Variants in PAK5 observed in about 807,000 individuals in gnomAD.
The protein encoded by PAK5 is serine/threonine-protein kinase PAK 5.
PAK5 carries 16 observed loss-of-function variants against 65.9 expected under a neutral mutation model. That is an observed-to-expected ratio of 0.24 (90% CI 0.16 to 0.37). The LOEUF (loss-of-function observed/expected upper bound fraction) is 0.37, where lower values mean the gene tolerates loss of function less well. Ranked by LOEUF, PAK5 falls within the 10% of genes least tolerant of loss-of-function variation. The pLI is 1.00. For synonymous variants in PAK5, 371 were observed against 354.9 expected (o/e 1.05, Z -0.51); for missense variants, 785 against 903.9 (o/e 0.87, Z 1.69).
intron 1 of PAK5, among the ~76,000 whole-genome samples, chr20:9,722,538 G>C (rs1235976951): frequency 6.6e-6 from 1 of 151,918 alleles, no homozygotes; most frequent in Non-Finnish European, 1.5e-5. Flanking sequence ...CATGAACCCG[G>C]GAGGCGGAGC....
intron 1 of PAK5, among the ~76,000 whole-genome samples, chr20:9,787,987 G>GGA (rs1569088014): frequency 6.6e-6 from 1 of 151,384 alleles, no homozygotes; most frequent in African/African-American, 2.4e-5. Flanking sequence ...GTGTGTTGGG[G>GGA]GGGGTATGTG....
At chr20:9,725,463 A>G (rs2048265531) in intron 1 of PAK5, among the ~76,000 whole-genome samples, 1 of 152,202 alleles carries the variant, frequency 6.6e-6, no homozygotes, top group South Asian at 2.1e-4. Flanking sequence ...TGGAACATGA[A>G]AAAACAATTA....
At chr20:9,622,856 T>C (rs1343366216) in intron 3 of PAK5, among the ~76,000 whole-genome samples, 11 of 152,186 alleles carry the variant, frequency 7.2e-5, no homozygotes, top group Admixed American at 7.2e-4. Flanking sequence ...GGTTGGGGAC[T>C]GCTGTGTTAA....
chr20:9,547,965 T>C (rs1342411466), intron 7 of PAK5, among the ~76,000 whole-genome samples: 2 of 152,208 alleles, frequency 1.3e-5, no homozygotes, highest in South Asian at 2.1e-4. Flanking sequence ...GGGGCATTTG[T>C]TTGCACAGAG....
chr20:9,592,842 A>T (rs2046195906), intron 3 of PAK5, among the ~76,000 whole-genome samples: 1 of 152,182 alleles, frequency 6.6e-6, no homozygotes, highest in Non-Finnish European at 1.5e-5. Flanking sequence ...CTGAAAGTCT[A>T]AGGGAGAGAG....
intron 1 of PAK5, among the ~76,000 whole-genome samples, chr20:9,811,220 T>C (rs1042317752): frequency 6.6e-6 from 1 of 152,142 alleles, no homozygotes; most frequent in African/African-American, 2.4e-5. Context: ...ATGATCAAAT[T>C]TGATTTCTTG....
intron 1 of PAK5, among the ~76,000 whole-genome samples, chr20:9,781,850 T>A (rs528516825): frequency 1.3e-5 from 2 of 152,180 alleles, no homozygotes; most frequent in South Asian, 4.2e-4. Flanking sequence ...CCACCCACTC[T>A]CTCCTGCATC....
At chr20:9,665,988 G>A (rs2047411853) in intron 2 of PAK5, among the ~76,000 whole-genome samples, 1 of 152,054 alleles carries the variant, frequency 6.6e-6, no homozygotes, top group South Asian at 2.1e-4. Flanking sequence ...AGAGAAATAA[G>A]CCTCCGTCTT....
intron 2 of PAK5, among the ~76,000 whole-genome samples, chr20:9,648,652 G>A (rs2047165392): frequency 6.6e-6 from 1 of 152,108 alleles, no homozygotes; most frequent in Non-Finnish European, 1.5e-5. Flanking sequence ...TGCAGAGGAG[G>A]TGTTATTATC....
chr20:9,714,705 C>T (rs1178367416), intron 1 of PAK5, among the ~76,000 whole-genome samples: 1 of 152,026 alleles, frequency 6.6e-6, no homozygotes, highest in African/African-American at 2.4e-5. Flanking sequence ...AGATATAGAC[C>T]AATGGAACAG....
chr20:9,566,890 A>T (rs986961498), intron 4 of PAK5, among the ~76,000 whole-genome samples: 4 of 152,180 alleles, frequency 2.6e-5, no homozygotes, highest in Non-Finnish European at 5.9e-5. Context: ...GTACAAATAT[A>T]ATTGAGAGTG....
chr20:9,701,050 C>T (rs568810327), intron 2 of PAK5, among the ~76,000 whole-genome samples: 1 of 152,240 alleles, frequency 6.6e-6, no homozygotes, highest in East Asian at 1.9e-4. Context: ...CACAGGCCTA[C>T]GTTTCCCTCT....
chr20:9,719,351 G>T (rs542246130), intron 1 of PAK5, among the ~76,000 whole-genome samples: 9 of 152,140 alleles, frequency 5.9e-5, no homozygotes, highest in African/African-American at 1.9e-4. Context: ...TACAGATTGA[G>T]CACTATTTTA....
intron 2 of PAK5, among the ~76,000 whole-genome samples, chr20:9,667,317 C>T (rs2047433596): frequency 6.6e-6 from 1 of 152,066 alleles, no homozygotes; most frequent in South Asian, 2.1e-4. Context: ...CCTCTTCAGC[C>T]TGGAATGCCT....
At chr20:9,605,738 G>A (rs2046441830) in intron 3 of PAK5, among the ~76,000 whole-genome samples, 1 of 152,082 alleles carries the variant, frequency 6.6e-6, no homozygotes, top group Non-Finnish European at 1.5e-5. Context: ...AGACCAGCCT[G>A]GTCAACATGG....
intron 1 of PAK5, among the ~76,000 whole-genome samples, chr20:9,798,259 A>C (rs75900785): frequency 0.057 from 8,723 of 152,242 alleles, 358 homozygotes; most frequent in South Asian, 0.19. Context: ...GGGTAAAAAA[A>C]ATGGTTCATA....
At position 9,782,924 on chromosome 20, in the gene PAK5, C is replaced by CTT. The variant is rs113360688; in HGVS notation, c.-162+55836_-162+55837dup. On this transcript the variant is annotated intron_variant, in intron 1 of 9. Transcript: ENST00000353224. ...TTTCTTTTCTTTTTTCTCTTTCTTTCTTTTTTTTTTTTCTTTTTTTTTAAG... is the reference window on the plus strand; with the variant it reads ...TTTCTTTTCTTTTTTCTCTTTCTTTCTTTTTTTTTTTTTTCTTTTTTTTTAAG... Among the ~76,000 whole-genome samples, 263 of 143,448 alleles carry CTT rather than the reference C, an allele frequency of 1.8e-3. 3 individuals carry two copies. The highest frequency in any genetic ancestry group is 9.5e-3 in the South Asian group (43 of 4,506). The allele number at this position is 143,448 out of a possible 152,430, so 94.1% of individuals were successfully genotyped here.
At chr20:9,719,839 G>A (rs1403672423) in intron 1 of PAK5, among the ~76,000 whole-genome samples, 1 of 152,152 alleles carries the variant, frequency 6.6e-6, no homozygotes. Context: ...ATACAATGAT[G>A]TATGTGTGAG....
At chr20:9,639,694 T>C (rs1478306867) in intron 3 of PAK5, among the ~76,000 whole-genome samples, 1 of 152,244 alleles carries the variant, frequency 6.6e-6, no homozygotes, top group Non-Finnish European at 1.5e-5. Flanking sequence ...TGCTCATGCA[T>C]TTGGCACAAA....
Sources: allele counts gnomAD v4.1 joint callset (sites outside exome capture counted in the v4.1 genomes callset), GRCh38; gene constraint gnomAD v4.1.1; transcripts MANE v1.5; gene names NCBI Gene and HGNC (gene_info 2026-07-23, HGNC 2026-07-21).